Variants in HEXB observed in about 807,000 individuals in gnomAD.
HEXB encodes the protein hexosaminidase subunit beta, also known as beta-hexosaminidase subunit beta.
HEXB carries 51 observed loss-of-function variants against 71.2 expected under a neutral mutation model. The observed-to-expected ratio is 0.72, with a 90% confidence interval of 0.57 to 0.90. The LOEUF is 0.90. Among genes scored for constraint, HEXB ranks in the 40% least tolerant of loss-of-function variants. The probability of loss-of-function intolerance (pLI) is 0.00; values close to 1 mark genes in which losing one functional copy is unlikely to be tolerated. For synonymous variants in HEXB, 266 were observed against 249.3 expected (o/e 1.07, Z -0.63); for missense variants, 617 against 677.0 (o/e 0.91, Z 0.98).
intron 1 of HEXB, among the ~76,000 whole-genome samples, chr5:74,675,803 G>C (rs1468162695): frequency 2.0e-5 from 3 of 152,210 alleles, no homozygotes; most frequent in Non-Finnish European, 2.9e-5. Context: ...CTGGGGTCGG[G>C]GGGTGAGGTG....
chr5:74,686,640 T>C (rs1561214473), intron 1 of HEXB, among the ~76,000 whole-genome samples: 1 of 152,322 alleles, frequency 6.6e-6, no homozygotes, highest in African/African-American at 2.4e-5. Flanking sequence ...AGAAGGCTCA[T>C]GGTTTCCTTC....
Position 74,718,362 on chromosome 5 carries a change from A to C in HEXB, c.1241A>C (p.Lys414Thr). 1.2e-6 allele frequency: 2 copies of C among 1,603,450 alleles called. No individual in the cohort carries two copies. Among genetic ancestry groups the C allele is most frequent in the African/African-American group, 2.7e-5 (2 of 74,822 alleles). ...CAGGAGGTTTTTGATGATAAAGCAAAGGTGAGCATTGTGAAGACTGCATCT... is the reference window on the plus strand; with the variant it reads ...CAGGAGGTTTTTGATGATAAAGCAACGGTGAGCATTGTGAAGACTGCATCT... The part of the protein sequence containing the change: ...VWQEVFDDKA[K>T]LAPGTIVEVW... Residue 414 changes from lysine (K) to threonine (T), a missense_variant and splice_region_variant, in exon 10 of 14, where the codon AAG (lysine) becomes ACG (threonine). Lys to Thr is a moderately conservative substitution (Grantham distance 78, BLOSUM62 -1). Coordinates refer to ENST00000261416, the MANE Select transcript of HEXB (RefSeq NM_000521.4).
chr5:74,712,649 C>T (rs1749576619), intron 6 of HEXB, among the ~76,000 whole-genome samples: 1 of 152,118 alleles, frequency 6.6e-6, no homozygotes, highest in Non-Finnish European at 1.5e-5. Context: ...GAAACTGAGT[C>T]ATGTGTCCTA....
rs34012729 is a variant in HEXB, at chr5:74,665,414, C to CTGTG, written c.-376-23894_-376-23891dup. On this transcript the variant is annotated intron_variant, in intron 1 of 13. Transcript: ENST00000511181. ...TCCTCATGCCCACGCACACTTTTCT[C>CTGTG]TGTGTGTGTGTGTGTGTGTGTGTAG... 1.1e-3 allele frequency among the ~76,000 whole-genome samples: 161 copies of CTGTG among 150,182 alleles called. 2 individuals are homozygous for CTGTG. The highest frequency in any genetic ancestry group is 6.1e-3 in the Admixed American group (92 of 15,008).
At chr5:74,667,400 G>A (rs1015653531) in intron 1 of HEXB, among the ~76,000 whole-genome samples, 9 of 151,704 alleles carry the variant, frequency 5.9e-5, no homozygotes, top group African/African-American at 2.2e-4. Context: ...GCCTGGATGA[G>A]AAGAGCAAAA....
At chr5:74,678,261 G>A (rs1453766903) in intron 1 of HEXB, among the ~76,000 whole-genome samples, 1 of 151,924 alleles carries the variant, frequency 6.6e-6, no homozygotes, top group African/African-American at 2.4e-5. Context: ...TCGTGCCATT[G>A]CACTCCAGCC....
At chr5:74,690,369 G>C (rs1314871069) in intron 2 of HEXB, among the ~76,000 whole-genome samples, 1 of 152,102 alleles carries the variant, frequency 6.6e-6, no homozygotes, top group Non-Finnish European at 1.5e-5. Context: ...AAAGATAGAG[G>C]CTGGACGCTG....
chr5:74,656,046 T>C (rs1424438429), intron 1 of HEXB, among the ~76,000 whole-genome samples: 4 of 152,222 alleles, frequency 2.6e-5, no homozygotes, highest in African/African-American at 9.6e-5. Flanking sequence ...ATGGACTTTG[T>C]AAACAAAAAT....
At chr5:74,712,644 T>C (rs940379045) in intron 6 of HEXB, among the ~76,000 whole-genome samples, 1 of 152,200 alleles carries the variant, frequency 6.6e-6, no homozygotes, top group Non-Finnish European at 1.5e-5. Context: ...TTGAAGAAAC[T>C]GAGTCATGTG....
intron 10 of HEXB, among the ~76,000 whole-genome samples, 179 bp downstream of exon 10, chr5:74,718,542 G>C (rs1286197669): frequency 6.6e-6 from 1 of 152,166 alleles, no homozygotes; most frequent in African/African-American, 2.4e-5. Flanking sequence ...GCAAGTCTCA[G>C]CTTTAGTTAA....
chr5:74,716,236 G>T (rs1008070472), intron 8 of HEXB, among the ~76,000 whole-genome samples: 1 of 151,864 alleles, frequency 6.6e-6, no homozygotes, highest in African/African-American at 2.4e-5. Flanking sequence ...AGAAAATGGA[G>T]ATTCAAAAAA....
intron 8 of HEXB, among the ~76,000 whole-genome samples, chr5:74,715,996 GAC>G (rs1749662489): frequency 2.5e-5 from 3 of 120,142 alleles, no homozygotes; most frequent in African/African-American, 9.4e-5. Flanking sequence ...CAGACTGAGT[GAC>G]AGAGTGAGAC....
At chr5:74,689,518 C>T (rs768196970) in intron 2 of HEXB, 45 bp downstream of exon 2, 2 of 1,572,122 alleles carry the variant, frequency 1.3e-6, no homozygotes, top group Non-Finnish European at 1.8e-6. Flanking sequence ...CAGGTGCTCG[C>T]TGACGGACTT....
At chr5:74,651,381 A>G (rs1748107370) in intron 1 of HEXB, among the ~76,000 whole-genome samples, 1 of 152,232 alleles carries the variant, frequency 6.6e-6, no homozygotes. Flanking sequence ...CGTTTAACAA[A>G]TGAATGAATG....
chr5:74,643,873 T>C (rs1222870645), intron 1 of HEXB, among the ~76,000 whole-genome samples: 1 of 152,222 alleles, frequency 6.6e-6, no homozygotes, highest in East Asian at 1.9e-4. Flanking sequence ...ACATGTTCCC[T>C]GCTGGTATTC....
At chr5:74,707,576 A>G (rs1314482681) in intron 6 of HEXB, among the ~76,000 whole-genome samples, 1 of 152,246 alleles carries the variant, frequency 6.6e-6, no homozygotes, top group Non-Finnish European at 1.5e-5. Context: ...AGAATAACCA[A>G]TACAGAGAAG....
At chr5:74,710,709 T>C (rs1749518956) in intron 6 of HEXB, among the ~76,000 whole-genome samples, 1 of 151,646 alleles carries the variant, frequency 6.6e-6, no homozygotes, top group Non-Finnish European at 1.5e-5. Flanking sequence ...ATAAAATACC[T>C]AGGAATCCAA....
At chr5:74,685,212 G>C, upstream of HEXB, 1 of 1,464,706 alleles carries the variant, frequency 6.8e-7, no homozygotes, top group African/African-American at 1.5e-5. Context: ...GGGAAGTCGG[G>C]TCCCGAGGCT....
chr5:74,677,292 A>G (rs1272063341), intron 1 of HEXB, among the ~76,000 whole-genome samples: 2 of 152,136 alleles, frequency 1.3e-5, no homozygotes, highest in East Asian at 3.9e-4. Context: ...CCAGTTACAC[A>G]TTTGCATGAC....
Sources: allele counts gnomAD v4.1 joint callset (sites outside exome capture counted in the v4.1 genomes callset), GRCh38; gene constraint gnomAD v4.1.1; transcripts MANE v1.5; gene names NCBI Gene and HGNC (gene_info 2026-07-23, HGNC 2026-07-21).